The following CUBN variants were observed in gnomAD, a reference collection of about 807,000 sequenced individuals.
The protein encoded by CUBN is 460 kDa receptor.
A neutral mutation model predicts 405.3 loss-of-function variants in CUBN; 282 were observed. The observed-to-expected ratio is 0.70, with a 90% CI of 0.63 to 0.77. The LOEUF is 0.77. Ranked by LOEUF, CUBN falls within the 30% of genes least tolerant of loss-of-function variation. The probability of loss-of-function intolerance (pLI) is 0.00; values close to 1 mark genes in which losing one functional copy is unlikely to be tolerated. For missense variants in CUBN, 4,514 were observed against 4,475.2 expected (o/e 1.01, Z -0.25); for synonymous variants, 1,684 against 1,617.0 (o/e 1.04, Z -0.99).
intron 17 of CUBN, among the ~76,000 whole-genome samples, chr10:17,072,702 A>G (rs1396147797): frequency 6.6e-6 from 1 of 152,182 alleles, no homozygotes; most frequent in Admixed American, 6.5e-5. Flanking sequence ...ATGGGTGGGG[A>G]TATAAAAGAC....
At chr10:16,920,692 T>A (rs1222386308) in intron 43 of CUBN, among the ~76,000 whole-genome samples, 1 of 152,244 alleles carries the variant, frequency 6.6e-6, no homozygotes, top group Non-Finnish European at 1.5e-5. Flanking sequence ...AGGAGCTTTT[T>A]AATATTTCTT....
At chr10:17,100,776 G>A (rs1282987490) in intron 13 of CUBN, among the ~76,000 whole-genome samples, 3 of 152,112 alleles carry the variant, frequency 2.0e-5, no homozygotes, top group Non-Finnish European at 2.9e-5. Context: ...CGGAGTAGGC[G>A]GGATGTAGAC....
At chr10:16,922,450 A>G (rs1188988334) in intron 43 of CUBN, among the ~76,000 whole-genome samples, 2 of 152,004 alleles carry the variant, frequency 1.3e-5, no homozygotes, top group Non-Finnish European at 2.9e-5. Context: ...CCCCATCTCC[A>G]ATGTTTTCAG....
At chr10:17,120,732 G>T (rs568913907) in intron 6 of CUBN, among the ~76,000 whole-genome samples, 1 of 152,246 alleles carries the variant, frequency 6.6e-6, no homozygotes, top group East Asian at 1.9e-4. Context: ...TTTTCATTTT[G>T]CAGGGGGAAG....
intron 59 of CUBN, among the ~76,000 whole-genome samples, chr10:16,853,433 C>T (rs1269782549): frequency 6.6e-6 from 1 of 152,130 alleles, no homozygotes. Context: ...TGTACTTGGA[C>T]CTTGGCAGTA....
intron 7 of CUBN, 83 bp from the exon 8 acceptor site, chr10:17,114,272 CTG>C (rs1390514847): frequency 4.4e-6 from 6 of 1,360,836 alleles, no homozygotes; most frequent in Non-Finnish European, 6.2e-6. Flanking sequence ...AAGCCCCTAA[CTG>C]TTTATCCTCT....
chr10:17,071,623 T>G lies in CUBN; in HGVS notation c.2447-19A>C, dbSNP rs1044807069. On this transcript the variant is annotated intron_variant, in intron 18 of 66. Coordinates refer to ENST00000377833, the MANE Select transcript of CUBN (RefSeq NM_001081.4). ...CCGCAAGCTGTAAGCATAAAAATTA[T>G]AGTAGTGCTTGTCCAGATATTAATA... 1 of 1,607,574 alleles carries G rather than the reference T, an allele frequency of 6.2e-7. No homozygotes were observed. Among genetic ancestry groups the G allele is most frequent in the Admixed American group, 1.7e-5 (1 of 59,942 alleles).
chr10:16,831,994 C>T (rs950856523), intron 64 of CUBN, among the ~76,000 whole-genome samples: 1 of 152,154 alleles, frequency 6.6e-6, no homozygotes, highest in African/African-American at 2.4e-5. Context: ...TATACAATGT[C>T]TGTTGTTAAA....
At chr10:16,995,336 G>C (rs957568601) in intron 28 of CUBN, among the ~76,000 whole-genome samples, 3 of 152,186 alleles carry the variant, frequency 2.0e-5, no homozygotes, top group African/African-American at 7.2e-5. Flanking sequence ...GGCTGTGATA[G>C]TTCCTAGGTA....
At chr10:16,893,395 CGTGTGTGT>C (rs34859798) in intron 54 of CUBN, among the ~76,000 whole-genome samples, 73,520 of 150,382 alleles carry the variant, frequency 0.49, 20,349 homozygotes, top group Middle Eastern at 0.64. Context: ...TACTTGAACT[CGTGTGTGT>C]GTGTGTGTGT....
At chr10:16,898,193 A>G (rs1352685676) in intron 54 of CUBN, among the ~76,000 whole-genome samples, 1 of 152,074 alleles carries the variant, frequency 6.6e-6, no homozygotes, top group African/African-American at 2.4e-5. Context: ...AATAAAAGCC[A>G]CTTTGACTCA....
chr10:16,839,327 G>A (rs1028308996), intron 62 of CUBN, among the ~76,000 whole-genome samples: 10 of 152,072 alleles, frequency 6.6e-5, no homozygotes, highest in African/African-American at 2.2e-4. Flanking sequence ...GTGTATGGAT[G>A]AAAAACACAT....
intron 40 of CUBN, among the ~76,000 whole-genome samples, chr10:16,929,798 A>G (rs1443275877): frequency 2.0e-5 from 3 of 152,146 alleles, no homozygotes; most frequent in African/African-American, 7.2e-5. Flanking sequence ...TACCTGTACT[A>G]CAAAATTTTG....
At chr10:17,109,152 A>G (rs1160068544) in intron 10 of CUBN, among the ~76,000 whole-genome samples, 1 of 152,236 alleles carries the variant, frequency 6.6e-6, no homozygotes, top group Non-Finnish European at 1.5e-5. Context: ...GTTAAATTAC[A>G]GGGTTAAACC....
Position 16,925,246 on chromosome 10 carries a change from C to T in CUBN, c.6641G>A (p.Ser2214Asn), listed in dbSNP as rs143465621. 3.2e-5 allele frequency: 51 copies of T among 1,610,702 alleles called. No homozygotes were observed. In the African/African-American group the frequency reaches 5.9e-4, roughly 19 times the overall value. The change falls in exon 43 of 67, where the codon AGT becomes AAT. Residue 2214 changes from serine to asparagine, a missense_variant. Around this residue, in one of 5 missense-constraint regions of CUBN, gnomAD observed 1,613 missense variants for 1,542.8 expected, o/e 1.05. Coordinates refer to ENST00000377833, the MANE Select transcript of CUBN (RefSeq NM_001081.4). Reference protein sequence around the residue: ...QGFKIKYEAKSLACGGNVYIH... With the variant: ...QGFKIKYEAKNLACGGNVYIH... ...TTCTCAGTGAAAATACTTACCTAAA[C>T]TCTTTGCCTCATATTTGATTTTAAA...
chr10:17,103,132 A>T lies in CUBN; in HGVS notation c.1523T>A (p.Met508Lys). The change falls in exon 13 of 67, where the codon ATG becomes AAG. Residue 508 changes from methionine (M) to lysine (K), a missense_variant. Around this residue, in one of 5 missense-constraint regions of CUBN, gnomAD observed 1,448 missense variants for 1,388.0 expected, o/e 1.04. Transcript: ENST00000377833. ...AAGAGTTACTACATTTACCTTTCCC[A>T]TTTCAGTTTTGATAACCCAGAAGCA... ...VNCFWVIKTE[M>K]GKVLRITFTF... 1 of 1,602,948 alleles carries T rather than the reference A, an allele frequency of 6.2e-7. No individual in the cohort carries two copies. Among genetic ancestry groups the T allele is most frequent in the Non-Finnish European group, 8.5e-7 (1 of 1,169,932 alleles).
At chr10:17,113,399 G>A (rs1033311003) in intron 8 of CUBN, among the ~76,000 whole-genome samples, 1 of 147,278 alleles carries the variant, frequency 6.8e-6, no homozygotes, top group South Asian at 2.2e-4. Context: ...ACCCAGCACA[G>A]TGCTTTGCTC....
At chr10:17,023,870 T>G (rs1044371615) in intron 27 of CUBN, among the ~76,000 whole-genome samples, 1 of 152,228 alleles carries the variant, frequency 6.6e-6, no homozygotes, top group Non-Finnish European at 1.5e-5. Context: ...CCATTAAATA[T>G]ATCTTCAGAT....
At chr10:16,962,860 G>A (rs1843274420) in intron 31 of CUBN, among the ~76,000 whole-genome samples, 1 of 152,170 alleles carries the variant, frequency 6.6e-6, no homozygotes, top group African/African-American at 2.4e-5. Context: ...CTGACCCACG[G>A]AAACTGTAAA....
Sources: gnomAD v4.1 joint callset for allele counts (sites outside exome capture counted in the v4.1 genomes callset) on GRCh38, gnomAD v4.1.1 for gene constraint, gnomAD v4.1.1 regional missense constraint, MANE v1.5 for transcripts, NCBI Gene and HGNC (gene_info 2026-07-23, HGNC 2026-07-21) for gene names.